ROBO2: variants seen among roughly 807,000 people sequenced by gnomAD.
The protein encoded by ROBO2 is roundabout homolog 2.
In ROBO2, 53 loss-of-function variants were observed where a neutral mutation model predicts 160.8. That is an observed-to-expected ratio of 0.33 (90% confidence interval 0.26 to 0.41). The LOEUF (loss-of-function observed/expected upper bound fraction) is 0.41, where lower values mean the gene tolerates loss of function less well. Ranked by LOEUF, ROBO2 falls within the 10% of genes least tolerant of loss-of-function variation. The pLI is 1.00. For missense variants in ROBO2, 1,577 were observed against 1,722.4 expected, an observed-to-expected ratio of 0.92 and a Z score of 1.49; for synonymous variants, 664 against 611.7, an observed-to-expected ratio of 1.09 and a Z score of -1.26.
At chr3:76,326,904 A>T (rs2073080145) in intron 2 of ROBO2, among the ~76,000 whole-genome samples, 1 of 151,868 alleles carries the variant, frequency 6.6e-6, no homozygotes, top group East Asian at 1.9e-4. Flanking sequence ...TTTACTGAGA[A>T]TGATGGTTTC....
intron 2 of ROBO2, among the ~76,000 whole-genome samples, chr3:76,653,393 A>G (rs769168472): frequency 6.7e-6 from 1 of 150,304 alleles, no homozygotes; most frequent in African/African-American, 2.4e-5. Context: ...TATATATAAT[A>G]TATATGAATA....
At chr3:77,077,563 TA>T (rs2068141864) in intron 1 of ROBO2, among the ~76,000 whole-genome samples, 1 of 152,132 alleles carries the variant, frequency 6.6e-6, no homozygotes, top group Non-Finnish European at 1.5e-5. Context: ...CACTGAGGCA[TA>T]AAAGGTTAGA....
chr3:75,937,103 A>AT (rs1947817660), intron 1 of ROBO2, among the ~76,000 whole-genome samples: 1 of 152,156 alleles, frequency 6.6e-6, no homozygotes, highest in South Asian at 2.1e-4. Flanking sequence ...ATTACATGGT[A>AT]TGTTAAATTC....
At chr3:76,485,989 T>C (rs2079476440) in intron 2 of ROBO2, among the ~76,000 whole-genome samples, 1 of 152,214 alleles carries the variant, frequency 6.6e-6, no homozygotes. Flanking sequence ...TCATAAGGTT[T>C]GGTTTGCACC....
intron 2 of ROBO2, among the ~76,000 whole-genome samples, chr3:77,215,992 TG>T (rs932973950): frequency 6.6e-6 from 1 of 152,146 alleles, no homozygotes; most frequent in African/African-American, 2.4e-5. Flanking sequence ...CTGCCACTAC[TG>T]GGGGGTGCCT....
At chr3:76,034,770 G>A (rs536824463) in intron 2 of ROBO2, among the ~76,000 whole-genome samples, 7 of 152,072 alleles carry the variant, frequency 4.6e-5, no homozygotes, top group East Asian at 1.9e-4. Flanking sequence ...AAATTCCTTC[G>A]TGTGACATTT....
At chr3:77,538,758 G>T (rs1444807657) in intron 6 of ROBO2, 5 of 338,188 alleles carry the variant, frequency 1.5e-5, no homozygotes, top group Non-Finnish European at 3.0e-5. Flanking sequence ...AAACAATCAC[G>T]TATCAATTAG....
chr3:77,244,877 CAA>C (rs372239209), intron 2 of ROBO2, among the ~76,000 whole-genome samples: 3 of 109,460 alleles, frequency 2.7e-5, no homozygotes, highest in Non-Finnish European at 3.5e-5. Context: ...AACTTAGTCT[CAA>C]AAAAAAAAAA....
At chr3:76,246,544 T>A (rs1705634316) in intron 2 of ROBO2, among the ~76,000 whole-genome samples, 2 of 152,144 alleles carry the variant, frequency 1.3e-5, no homozygotes, top group Non-Finnish European at 2.9e-5. Flanking sequence ...CACTTTCTAA[T>A]TATTAGTAGG....
chr3:76,458,046 C>G (rs1166213062), intron 2 of ROBO2, among the ~76,000 whole-genome samples: 2 of 152,148 alleles, frequency 1.3e-5, no homozygotes, highest in African/African-American at 4.8e-5. Flanking sequence ...GATATTTTCA[C>G]CATGGTCTTG....
intron 2 of ROBO2, among the ~76,000 whole-genome samples, chr3:76,367,561 T>C (rs1445679485): frequency 2.6e-5 from 4 of 151,956 alleles, no homozygotes; most frequent in Admixed American, 2.6e-4. Context: ...ACACTCAATG[T>C]TATTTAAGTC....
intron 2 of ROBO2, among the ~76,000 whole-genome samples, chr3:76,807,829 T>A (rs2064854047): frequency 6.6e-6 from 1 of 151,968 alleles, no homozygotes; most frequent in African/African-American, 2.4e-5. Flanking sequence ...TTTAAATAAG[T>A]AGGCAGATAA....
At chr3:77,008,964 T>C (rs1323734782) in intron 2 of ROBO2, among the ~76,000 whole-genome samples, 1 of 152,210 alleles carries the variant, frequency 6.6e-6, no homozygotes, top group Non-Finnish European at 1.5e-5. Context: ...ATTTTGTTCC[T>C]TCTTTTGGAT....
At chr3:76,346,733 C>T (rs2074554874) in intron 2 of ROBO2, among the ~76,000 whole-genome samples, 1 of 152,054 alleles carries the variant, frequency 6.6e-6, no homozygotes, top group African/African-American at 2.4e-5. Context: ...GAGAATTTAG[C>T]CTACATTTTA....
At chr3:76,167,724 A>G (rs1200816642) in intron 2 of ROBO2, among the ~76,000 whole-genome samples, 2 of 152,192 alleles carry the variant, frequency 1.3e-5, no homozygotes, top group African/African-American at 4.8e-5. Flanking sequence ...AGATAATTAA[A>G]TTTCTGAACA....
chr3:77,252,823 A>ATAT (rs1396495117), intron 2 of ROBO2, among the ~76,000 whole-genome samples: 17 of 40,616 alleles, frequency 4.2e-4, no homozygotes, highest in South Asian at 1.3e-3. Context: ...AAAAAAAAAA[A>ATAT]AAAAAAAAAT....
chr3:77,282,956 CT>C (rs199728894), intron 2 of ROBO2, among the ~76,000 whole-genome samples: 20,749 of 126,976 alleles, frequency 0.16, 1,622 homozygotes, highest in Admixed American at 0.26. Flanking sequence ...GAGGCTTCTG[CT>C]TTTAAAAAAA....
At chr3:77,621,525 A>C (rs2094900507) in intron 22 of ROBO2, among the ~76,000 whole-genome samples, 1 of 152,194 alleles carries the variant, frequency 6.6e-6, no homozygotes, top group Non-Finnish European at 1.5e-5. Flanking sequence ...TATTCATTGC[A>C]AAAGGTTTAT....
chr3:76,119,120 C>T (rs771612088), intron 2 of ROBO2, among the ~76,000 whole-genome samples: 3 of 152,076 alleles, frequency 2.0e-5, no homozygotes, highest in East Asian at 1.9e-4. Flanking sequence ...CTGAATGAAA[C>T]GAGCTGTGTT....
Sources: allele counts gnomAD v4.1 joint callset (sites outside exome capture counted in the v4.1 genomes callset), GRCh38; gene constraint gnomAD v4.1.1; transcripts MANE v1.5; gene names NCBI Gene and HGNC (gene_info 2026-07-23, HGNC 2026-07-21).